The following PRKAR2A variants were observed in gnomAD, a reference collection of about 807,000 sequenced individuals.
PRKAR2A encodes the protein cAMP-dependent protein kinase type II-alpha regulatory subunit.
In PRKAR2A, 29 loss-of-function variants were observed where a neutral mutation model predicts 51.9. The observed-to-expected ratio is 0.56, with a 90% CI of 0.42 to 0.76. The LOEUF (loss-of-function observed/expected upper bound fraction) is 0.76, where lower values mean the gene tolerates loss of function less well. Among genes scored for constraint, PRKAR2A ranks in the 30% least tolerant of loss-of-function variants. PRKAR2A has a pLI of 0.00. For synonymous variants in PRKAR2A, 178 were observed against 186.2 expected, an observed-to-expected ratio of 0.96 and a Z score of 0.36; for missense variants, 445 against 512.1, an observed-to-expected ratio of 0.87 and a Z score of 1.26.
intron 5 of PRKAR2A, among the ~76,000 whole-genome samples, chr3:48,780,649 T>C (rs949080333): frequency 2.0e-4 from 30 of 151,004 alleles, no homozygotes; most frequent in Admixed American, 4.6e-4. Flanking sequence ...TAATAATTTG[T>C]CACAGGTAGC....
intron 1 of PRKAR2A, among the ~76,000 whole-genome samples, chr3:48,832,946 C>T: frequency 6.6e-6 from 1 of 152,164 alleles, no homozygotes; most frequent in Non-Finnish European, 1.5e-5. Flanking sequence ...TGTGCAAATA[C>T]ATCCAATCTG....
At position 48,825,038 on chromosome 3, in the gene PRKAR2A, T is replaced by C. The variant is rs1198635730; in HGVS notation, c.263-17354A>G. On this transcript the variant is annotated intron_variant, in intron 1 of 10. Transcript: ENST00000265563. ...TACTGATTTTCTTTTCTTTTTTTTT[T>C]TTTTTTTTTTTTGGAGACAGAGTTT... is the stretch of plus-strand genomic sequence containing the variant. Among the ~76,000 whole-genome samples the C allele has an allele frequency of 2.8e-5, 4 of 142,958 alleles. No homozygotes were observed. In the East Asian group the frequency reaches 6.2e-4, roughly 22 times the overall value. The allele number at this position is 142,958 out of a possible 152,430, so 93.8% of individuals were successfully genotyped here. A position where few individuals can be genotyped will look rare whatever the true frequency, so the allele number is the denominator to read the frequency against.
In PRKAR2A at chr3:48,832,105, C is replaced by T. The variant is rs552592583; in HGVS notation, c.262+15230G>A. ...GGTCAGGAGTTCGAGACCAGCCTAG[C>T]CAACATGGTGAAACTCCATCTCTAT... On this transcript the variant is annotated intron_variant, in intron 1 of 10. Coordinates refer to ENST00000265563, the MANE Select transcript of PRKAR2A (RefSeq NM_004157.4). Among the ~76,000 whole-genome samples, 7 of 152,014 alleles carry T rather than the reference C, an allele frequency of 4.6e-5. No individual in the cohort carries two copies. The East Asian group carries it at 9.7e-4, about 21-fold the overall frequency.
At position 48,750,976 on chromosome 3, in the gene PRKAR2A, A is replaced by C. The variant is rs2081638595; in HGVS notation, c.*609T>G. ...TCCTGAGCAGGGTCTTTCCCTAAGC[A>C]TCACTGTGGGTTTGGAGACAGCTGT... On this transcript the variant is annotated 3_prime_UTR_variant, in exon 11 of 11. Coordinates refer to ENST00000265563, the MANE Select transcript of PRKAR2A (RefSeq NM_004157.4). The C allele has an allele frequency of 4.5e-6, 1 of 223,410 alleles. No homozygotes were observed. Among genetic ancestry groups the C allele is most frequent in the African/African-American group, 2.3e-5 (1 of 43,442 alleles). 13.8% of individuals were successfully genotyped at this position (223,410 alleles called of 1,614,324 possible). A position where few individuals can be genotyped will look rare whatever the true frequency, so the allele number is the denominator to read the frequency against.
chr3:48,825,192 C>T (rs900924484), intron 1 of PRKAR2A, among the ~76,000 whole-genome samples: 6 of 151,662 alleles, frequency 4.0e-5, no homozygotes, highest in Admixed American at 6.6e-5. Context: ...TACACTGCCA[C>T]ACCCAACTAA....
intron 2 of PRKAR2A, among the ~76,000 whole-genome samples, chr3:48,804,908 G>T (rs574200916): frequency 5.9e-4 from 90 of 151,806 alleles, no homozygotes; most frequent in African/African-American, 2.1e-3. Flanking sequence ...ATAATGTTAA[G>T]TTTAATTTTA....
chr3:48,832,737 C>T (rs1559648802), intron 1 of PRKAR2A, among the ~76,000 whole-genome samples: 1 of 152,038 alleles, frequency 6.6e-6, no homozygotes, highest in Non-Finnish European at 1.5e-5. Context: ...CACCAAGAGC[C>T]ACTATAAAAA....
At chr3:48,745,538 T>G (rs1443024680), downstream of PRKAR2A, among the ~76,000 whole-genome samples, 1 of 146,210 alleles carries the variant, frequency 6.8e-6, no homozygotes. Flanking sequence ...TTTTTTTTTT[T>G]TTTTTTTTTT....
intron 2 of PRKAR2A, among the ~76,000 whole-genome samples, chr3:48,794,610 G>A (rs915352891): frequency 1.2e-4 from 18 of 151,804 alleles, no homozygotes; most frequent in African/African-American, 4.1e-4. Context: ...CAGCAGAAGC[G>A]CTTGAACTTG....
chr3:48,765,915 T>C (rs762097868), intron 6 of PRKAR2A, among the ~76,000 whole-genome samples: 8 of 151,964 alleles, frequency 5.3e-5, no homozygotes, highest in Admixed American at 1.3e-4. Context: ...GGAGATAATA[T>C]AAAATATCAA....
downstream of PRKAR2A, among the ~76,000 whole-genome samples, chr3:48,746,007 C>T (rs2081557825): frequency 6.6e-6 from 1 of 152,126 alleles, no homozygotes; most frequent in Non-Finnish European, 1.5e-5. Flanking sequence ...TTTTTTCCTG[C>T]TTTTGGACGC....
At position 48,751,480 on chromosome 3, in the gene PRKAR2A, C is replaced by T. The variant is rs182485233; in HGVS notation, c.*105G>A. The T allele has an allele frequency of 2.6e-4, 397 of 1,524,260 alleles. No homozygotes were observed. The highest frequency in any genetic ancestry group is 5.8e-4 in the Admixed American group (33 of 56,550). 94.4% of individuals were successfully genotyped at this position (1,524,260 alleles called of 1,614,324 possible). On this transcript the variant is annotated 3_prime_UTR_variant, in exon 11 of 11. Transcript: ENST00000265563. Reference sequence around the variant, plus strand: ...ATAACCACAGCAATGGCAGCAGTGGCGGCAACGGCAGGAACAGTTCTGTCA... The same window carrying T: ...ATAACCACAGCAATGGCAGCAGTGGTGGCAACGGCAGGAACAGTTCTGTCA...
chr3:48,810,446 A>G (rs763922190), intron 1 of PRKAR2A, among the ~76,000 whole-genome samples: 38 of 152,082 alleles, frequency 2.5e-4, no homozygotes, highest in Non-Finnish European at 4.7e-4. Context: ...TATAATACCT[A>G]CTAATATGCC....
At chr3:48,836,048 G>C (rs1223980753) in intron 1 of PRKAR2A, among the ~76,000 whole-genome samples, 1 of 151,848 alleles carries the variant, frequency 6.6e-6, no homozygotes, top group African/African-American at 2.4e-5. Context: ...TTCAACAAGA[G>C]TACCAAGACA....
At position 48,825,586 on chromosome 3, in the gene PRKAR2A, G is replaced by A. The variant is rs1376697437; in HGVS notation, c.263-17902C>T. ...TTGAACCTGGGAGGCAAAGGTTGCA[G>A]TGAGCCAAGACTGCGCCACTGTGCT... On this transcript the variant is annotated intron_variant, in intron 1 of 10. Coordinates refer to ENST00000265563, the MANE Select transcript of PRKAR2A (RefSeq NM_004157.4). 6.6e-5 allele frequency among the ~76,000 whole-genome samples: 10 copies of A among 152,256 alleles called. 1 individual carries two copies. In the South Asian group the frequency reaches 2.1e-3, roughly 32 times the overall value.
At chr3:48,840,725 C>T (rs550856480) in intron 1 of PRKAR2A, among the ~76,000 whole-genome samples, 135 of 148,288 alleles carry the variant, frequency 9.1e-4, no homozygotes, top group African/African-American at 3.2e-3. Flanking sequence ...TACAGGCACC[C>T]GCCACCACGC....
In PRKAR2A at chr3:48,829,607, TGTG is replaced by T. The variant is rs1312712480; in HGVS notation, c.262+17725_262+17727del. Among the ~76,000 whole-genome samples, 3 of 11,924 alleles carry T rather than the reference TGTG, an allele frequency of 2.5e-4. 1 individual carries two copies. The highest frequency in any genetic ancestry group is 3.5e-4 in the Non-Finnish European group (3 of 8,594). The allele number at this position is 11,924 out of a possible 152,430, so 7.8% of individuals were successfully genotyped here. On this transcript the variant is annotated intron_variant, in intron 1 of 10. Transcript: ENST00000265563. ...GTGTGTATATATACACACACATAAA[TGTG>T]TGTGTGTATACGTGTGTATACACAC... is the stretch of plus-strand genomic sequence containing the variant.
At chr3:48,821,430 C>T (rs1009083975) in intron 1 of PRKAR2A, among the ~76,000 whole-genome samples, 2 of 152,140 alleles carry the variant, frequency 1.3e-5, no homozygotes, top group African/African-American at 4.8e-5. Context: ...ACTGATAATC[C>T]AATTTCCCAA....
chr3:48,769,995 TG>T (rs2082006308), intron 6 of PRKAR2A, among the ~76,000 whole-genome samples: 1 of 152,114 alleles, frequency 6.6e-6, no homozygotes, highest in African/African-American at 2.4e-5. Context: ...ATGCTGGTCT[TG>T]AATTCCTAGG....
Sources: gnomAD v4.1 joint callset for allele counts (sites outside exome capture counted in the v4.1 genomes callset) on GRCh38, gnomAD v4.1.1 for gene constraint, MANE v1.5 for transcripts, NCBI Gene and HGNC (gene_info 2026-07-23, HGNC 2026-07-21) for gene names.